The following EARS2 variants were observed in gnomAD, a reference collection of about 807,000 sequenced individuals.
EARS2 encodes the protein nondiscriminating glutamyl-tRNA synthetase EARS2, mitochondrial.
EARS2 carries 50 observed loss-of-function variants against 54.1 expected under a neutral mutation model. That is an observed-to-expected ratio of 0.92 (90% CI 0.74 to 1.17). The LOEUF (loss-of-function observed/expected upper bound fraction) is 1.17, where lower values mean the gene tolerates loss of function less well. Ranked by LOEUF, EARS2 falls within the 50% of genes most tolerant of loss-of-function variation. The probability of loss-of-function intolerance (pLI) is 0.00; values close to 1 mark genes in which losing one functional copy is unlikely to be tolerated. For missense variants in EARS2, 673 were observed against 675.0 expected, an observed-to-expected ratio of 1.00 and a Z score of 0.03; for synonymous variants, 298 against 281.0, an observed-to-expected ratio of 1.06 and a Z score of -0.61.
chr16:23,552,417 G>A, intron 1 of EARS2, 113 bp from the exon 2 acceptor site: 2 of 1,219,624 alleles, frequency 1.6e-6, no homozygotes, highest in Admixed American at 4.2e-5. Context: ...AAGACCAGCA[G>A]GACACATTGG....
intron 3 of EARS2, among the ~76,000 whole-genome samples, chr16:23,540,977 C>T (rs529555603): frequency 6.6e-6 from 1 of 151,716 alleles, no homozygotes. Context: ...GGCAACAGAG[C>T]AAGACTCCGT....
chr16:23,549,022 T>C (rs903686126), intron 2 of EARS2, among the ~76,000 whole-genome samples: 14 of 152,276 alleles, frequency 9.2e-5, no homozygotes, highest in Admixed American at 3.9e-4. Context: ...CTATGGTACC[T>C]GCACACCTCA....
intron 1 of EARS2, chr16:23,556,593 A>C (rs907571972): frequency 3.6e-6 from 1 of 276,798 alleles, no homozygotes; most frequent in East Asian, 1.0e-4. Flanking sequence ...ACTTGACCTC[A>C]AGTGATGCAC....
chr16:23,528,228 G>T (rs1965263622), intron 7 of EARS2, among the ~76,000 whole-genome samples: 1 of 152,172 alleles, frequency 6.6e-6, no homozygotes, highest in African/African-American at 2.4e-5. Context: ...CAACCCCATG[G>T]ACTGAGACAA....
At chr16:23,542,941 CCT>C (rs140752433) in intron 3 of EARS2, among the ~76,000 whole-genome samples, 1 of 150,780 alleles carries the variant, frequency 6.6e-6, no homozygotes, top group Non-Finnish European at 1.5e-5. Flanking sequence ...ATGGCGAAAC[CCT>C]CTCTCTATTA....
intron 8 of EARS2, 99 bp from the exon 9 acceptor site, chr16:23,524,553 C>T (rs931836615): frequency 1.0e-6 from 1 of 998,792 alleles, no homozygotes; most frequent in Admixed American, 1.8e-5. Flanking sequence ...GGCCAGCCCC[C>T]ACACTGCTGC....
intron 3 of EARS2, among the ~76,000 whole-genome samples, chr16:23,543,712 G>A (rs1254609488): frequency 1.0e-4 from 15 of 145,850 alleles, no homozygotes; most frequent in Admixed American, 4.2e-4. Context: ...CAGCCTGGGC[G>A]ACAGAGTGAG....
chr16:23,556,925 C>T (rs1264499099), intron 1 of EARS2: 2 of 658,584 alleles, frequency 3.0e-6, no homozygotes, highest in Non-Finnish European at 5.6e-6. Context: ...GCGTCTACAA[C>T]ACCTGTTACA....
At chr16:23,532,632 G>A (rs369937070) in intron 5 of EARS2, 25 bp downstream of exon 5, 14 of 1,581,614 alleles carry the variant, frequency 8.9e-6, no homozygotes, top group South Asian at 1.1e-5. Flanking sequence ...TTTGCCACCA[G>A]GGGATCTCCA....
chr16:23,550,039 G>A (rs1395799476), intron 2 of EARS2, among the ~76,000 whole-genome samples: 1 of 152,056 alleles, frequency 6.6e-6, no homozygotes, highest in East Asian at 1.9e-4. Flanking sequence ...TCTCCATACT[G>A]GTTATTATCA....
At chr16:23,540,785 C>T (rs1434127982) in intron 3 of EARS2, among the ~76,000 whole-genome samples, 5 of 151,956 alleles carry the variant, frequency 3.3e-5, no homozygotes, top group Non-Finnish European at 7.4e-5. Context: ...GAGTTCAAGA[C>T]CAGCCTGGGT....
chr16:23,531,840 G>A (rs1477603730), intron 5 of EARS2, among the ~76,000 whole-genome samples: 2 of 152,158 alleles, frequency 1.3e-5, no homozygotes, highest in Non-Finnish European at 2.9e-5. Flanking sequence ...TTTAAAGACA[G>A]AGTATCACTT....
At chr16:23,533,892 C>A (rs1253524008) in intron 4 of EARS2, among the ~76,000 whole-genome samples, 2 of 152,062 alleles carry the variant, frequency 1.3e-5, no homozygotes, top group Non-Finnish European at 2.9e-5. Context: ...CCCATCTCTA[C>A]TAAAAATACA....
rs1597021370 is a variant in EARS2 at position 23,544,707 on chromosome 16, G to T, written c.296-4C>A. The stretch of plus-strand genomic sequence containing the variant: ...GGGCTCTCATCAGGCGGGATGCCTG[G>T]AACACAGGGAATAATGACAGCTAAG... On this transcript the variant is annotated splice_region_variant and splice_polypyrimidine_tract_variant and intron_variant, in intron 2 of 8. Coordinates refer to ENST00000449606, the MANE Select transcript of EARS2 (RefSeq NM_001083614.2). The T allele has an allele frequency of 9.4e-6, 15 of 1,594,710 alleles. No individual in the cohort carries two copies. Among genetic ancestry groups the T allele is most frequent in the Non-Finnish European group, 1.2e-5 (14 of 1,171,758 alleles).
chr16:23,529,631 C>A lies in EARS2; in HGVS notation c.1223G>T (p.Gly408Val). 1 of 1,614,018 alleles carries A rather than the reference C, an allele frequency of 6.2e-7. No homozygotes were observed. The change falls in exon 7 of 9, where the codon GGT becomes GTT. Residue 408 changes from glycine (G) to valine (V), a missense_variant and splice_region_variant. Physicochemically the swap from Gly to Val is moderately radical, Grantham distance 109. Coordinates refer to ENST00000449606, the MANE Select transcript of EARS2 (RefSeq NM_001083614.2). ...CAAGTCCTGCAGGCGGCAAATGTGACCCTGGGGAAGGAGGCAGTCATTGAA... is the reference window on the plus strand; with the variant it reads ...CAAGTCCTGCAGGCGGCAAATGTGAACCTGGGGAAGGAGGCAGTCATTGAA... ...YVERILLLRQ[G>V]HICRLQDLVS...
intron 2 of EARS2, among the ~76,000 whole-genome samples, chr16:23,549,559 G>A (rs1965659779): frequency 6.6e-6 from 1 of 152,168 alleles, no homozygotes; most frequent in South Asian, 2.1e-4. Flanking sequence ...ACTTCCCCAG[G>A]CTCAGGTGAT....
intron 2 of EARS2, among the ~76,000 whole-genome samples, chr16:23,551,704 G>C (rs1014876394): frequency 1.3e-5 from 2 of 152,188 alleles, no homozygotes; most frequent in Admixed American, 6.5e-5. Context: ...TGGATCACGA[G>C]GTCAGGAGGT....
intron 1 of EARS2, among the ~76,000 whole-genome samples, chr16:23,555,074 T>C (rs1246136306): frequency 6.6e-6 from 1 of 152,236 alleles, no homozygotes; most frequent in African/African-American, 2.4e-5. Flanking sequence ...AAGTGCTTTC[T>C]GGGTGTACTA....
intron 2 of EARS2, among the ~76,000 whole-genome samples, chr16:23,547,150 G>A (rs192327375): frequency 6.6e-6 from 1 of 151,510 alleles, no homozygotes; most frequent in East Asian, 1.9e-4. Context: ...TAAACAAAAT[G>A]TGGTATAACC....
Sources: gnomAD v4.1 joint callset for allele counts (sites outside exome capture counted in the v4.1 genomes callset) on GRCh38, gnomAD v4.1.1 for gene constraint, MANE v1.5 for transcripts, NCBI Gene and HGNC (gene_info 2026-07-23, HGNC 2026-07-21) for gene names.